Variants in PPP1R12C observed in about 807,000 individuals in gnomAD.
PPP1R12C encodes protein phosphatase 1 regulatory subunit 12C, also known as leukocyte receptor cluster (LRC) encoded novel gene 3.
In PPP1R12C, 48 loss-of-function variants were observed where a neutral mutation model predicts 95.6. That is an observed-to-expected ratio of 0.50 (90% CI 0.40 to 0.64). The LOEUF (loss-of-function observed/expected upper bound fraction) is 0.64. Among genes scored for constraint, PPP1R12C ranks in the 30% least tolerant of loss-of-function variants. PPP1R12C has a pLI of 0.00. For missense variants in PPP1R12C, 1,057 were observed against 1,083.3 expected, an observed-to-expected ratio of 0.98 and a Z score of 0.34; for synonymous variants, 480 against 460.8, an observed-to-expected ratio of 1.04 and a Z score of -0.53.
intron 1 of PPP1R12C, chr19:55,113,656 C>A: frequency 8.3e-7 from 1 of 1,206,114 alleles, no homozygotes. Flanking sequence ...AAATTACCCC[C>A]CAAGTCCCTC....
chr19:55,098,761 A>C, intron 6 of PPP1R12C, 23 bp downstream of exon 6: 1 of 1,612,960 alleles, frequency 6.2e-7, no homozygotes, highest in East Asian at 2.2e-5. Context: ...GTCTGGGGTA[A>C]GCCCCTCAGC....
rs143554085 is a variant in PPP1R12C at position 55,107,184 on chromosome 19, C to T, written c.572-3616G>A. Among the ~76,000 whole-genome samples, 8 of 152,096 alleles carry T rather than the reference C, an allele frequency of 5.3e-5. No individual in the cohort carries two copies. In the East Asian group the frequency reaches 1.4e-3, roughly 26 times the overall value. On this transcript the variant is annotated intron_variant, in intron 3 of 21. Coordinates refer to ENST00000263433, the MANE Select transcript of PPP1R12C (RefSeq NM_017607.4). Reference sequence around the variant, plus strand: ...ATCCCAGCACTTTGGGGGGCCGAGACGGGTGGATCAGCTGAGGTCAGGAGT... The same window carrying T: ...ATCCCAGCACTTTGGGGGGCCGAGATGGGTGGATCAGCTGAGGTCAGGAGT...
At chr19:55,101,369 C>T (rs763310341) in intron 4 of PPP1R12C, among the ~76,000 whole-genome samples, 4 of 152,224 alleles carry the variant, frequency 2.6e-5, no homozygotes, top group African/African-American at 9.7e-5. Context: ...TTCACTTCCA[C>T]GAATATGGAT....
At chr19:55,102,239 T>A (rs1164676920) in intron 4 of PPP1R12C, among the ~76,000 whole-genome samples, 1 of 152,186 alleles carries the variant, frequency 6.6e-6, no homozygotes, top group African/African-American at 2.4e-5. Flanking sequence ...CTTGGTTGGG[T>A]GCAGTGGCTC....
chr19:55,103,335 T>G, intron 4 of PPP1R12C, 74 bp downstream of exon 4: 2 of 1,324,950 alleles, frequency 1.5e-6, no homozygotes, highest in Non-Finnish European at 2.0e-6. Context: ...TACATACATT[T>G]AAAAAGAAAG....
At position 55,093,236 on chromosome 19, in the gene PPP1R12C, G is replaced by T; in HGVS notation, c.1684-3C>A. On this transcript the variant is annotated splice_polypyrimidine_tract_variant and splice_region_variant and intron_variant, in intron 13 of 21. Transcript: ENST00000263433. ...TTCAGGTCTGTAAGAGTCACACCCT[G>T]GCAGGGAAAGGGGACAGTCAGGGGA... The T allele has an allele frequency of 6.2e-7, 1 of 1,612,236 alleles. No homozygotes were observed. Among genetic ancestry groups the T allele is most frequent in the Non-Finnish European group, 8.5e-7 (1 of 1,179,624 alleles).
At chr19:55,113,868 G>A in intron 1 of PPP1R12C, 1 of 176,636 alleles carries the variant, frequency 5.7e-6, no homozygotes, top group Non-Finnish European at 1.2e-5. Context: ...TCAAGGACCT[G>A]CCCAGTACAG....
chr19:55,110,466 T>C (rs2085083573), intron 3 of PPP1R12C, among the ~76,000 whole-genome samples: 1 of 151,776 alleles, frequency 6.6e-6, no homozygotes, highest in Admixed American at 6.6e-5. Context: ...GGTGAGAGTG[T>C]AGCATCAAGG....
chr19:55,099,973 A>C (rs1418129042), intron 4 of PPP1R12C, among the ~76,000 whole-genome samples: 1 of 152,312 alleles, frequency 6.6e-6, no homozygotes, highest in Non-Finnish European at 1.5e-5. Flanking sequence ...TATAAGCACA[A>C]GTCCCTCTCT....
intron 1 of PPP1R12C, chr19:55,113,086 C>G (rs1275343886): frequency 5.4e-6 from 3 of 555,576 alleles, no homozygotes; most frequent in Non-Finnish European, 9.6e-6. Flanking sequence ...GCGGGAACCC[C>G]ACATGGTACC....
chr19:55,103,185 C>T (rs959376694), intron 4 of PPP1R12C, among the ~76,000 whole-genome samples: 1 of 152,106 alleles, frequency 6.6e-6, no homozygotes. Context: ...CATAGCAAGA[C>T]CCTGTCTCAA....
chr19:55,113,555 C>G lies in PPP1R12C; in HGVS notation c.322-760G>C, dbSNP rs2085121263. On this transcript the variant is annotated intron_variant, in intron 1 of 21. Coordinates refer to ENST00000263433, the MANE Select transcript of PPP1R12C (RefSeq NM_017607.4). Reference sequence around the variant, plus strand: ...GAAGTCCAGGGGGTCGGAGGAGGGACTTGCCCCAGGCCTTGTGGACACTGG... The same window carrying G: ...GAAGTCCAGGGGGTCGGAGGAGGGAGTTGCCCCAGGCCTTGTGGACACTGG... 5 of 1,352,506 alleles carry G rather than the reference C, an allele frequency of 3.7e-6. No homozygotes were observed. The Admixed American group carries it at 1.7e-4, about 45-fold the overall frequency. 83.8% of individuals were successfully genotyped at this position (1,352,506 alleles called of 1,614,324 possible). A position where few individuals can be genotyped will look rare whatever the true frequency, so the allele number is the denominator to read the frequency against.
rs569277962 is a variant in PPP1R12C, at chr19:55,099,013, C to T, written c.814G>A (p.Val272Met). Reference protein sequence around the residue: ...TPLHAAAHWGVEDACRLLAEH... With the variant: ...TPLHAAAHWGMEDACRLLAEH... The stretch of plus-strand genomic sequence containing the variant: ...GCCAGCAGGCGGCAGGCATCCTCCA[C>T]GCCCCAGTGTGCCGCTGCGTGCAGG... Residue 272 changes from valine to methionine, a missense_variant, in exon 5 of 22, where the codon GTG becomes ATG. By Grantham distance (21) the Val-to-Met change is conservative. Transcript: ENST00000263433. 5.1e-5 allele frequency: 79 copies of T among 1,556,598 alleles called. No individual in the cohort carries two copies. The highest frequency in any genetic ancestry group is 3.2e-4 in the South Asian group (27 of 84,782).
At chr19:55,099,228 C>T (rs955277593) in intron 4 of PPP1R12C, 133 bp from the exon 5 acceptor site, 1 of 1,048,694 alleles carries the variant, frequency 9.5e-7, no homozygotes, top group Non-Finnish European at 1.3e-6. Context: ...GGTAAAGAGC[C>T]ACTGCCCAGC....
intron 4 of PPP1R12C, among the ~76,000 whole-genome samples, chr19:55,102,070 G>A (rs2084985464): frequency 6.6e-6 from 1 of 152,070 alleles, no homozygotes; most frequent in African/African-American, 2.4e-5. Flanking sequence ...AAAGAGAGAA[G>A]AGGGAACTGA....
In PPP1R12C at chr19:55,112,675, C is replaced by A. The variant is rs772905991; in HGVS notation, c.442G>T (p.Asp148Tyr). The A allele has an allele frequency of 6.8e-6, 11 of 1,613,902 alleles. No individual in the cohort carries two copies. The South Asian group carries it at 1.2e-4, about 18-fold the overall frequency. The change falls in exon 2 of 22, where the codon GAT becomes TAT. Residue 148 changes from aspartate (D) to tyrosine (Y), a missense_variant. Physicochemically the swap from Asp to Tyr is radical, Grantham distance 160. Around this residue, in one of 5 missense-constraint regions of PPP1R12C, gnomAD observed 282 missense variants for 380.4 expected, o/e 0.74. Coordinates refer to ENST00000263433, the MANE Select transcript of PPP1R12C (RefSeq NM_017607.4). ...CCTCCCTTGCCTCACCTGGCGATAT[C>A]TAGGTAGCCACAGGAGGCGGCCACG... ...LHVAASCGYL[D>Y]IARYLLSHGA...
intron 1 of PPP1R12C, among the ~76,000 whole-genome samples, chr19:55,116,770 G>C (rs1223588667): frequency 1.3e-5 from 2 of 152,142 alleles, no homozygotes; most frequent in African/African-American, 4.8e-5. Context: ...ACTGAGCTAT[G>C]GGAGCTGGCT....
intron 6 of PPP1R12C, among the ~76,000 whole-genome samples, chr19:55,097,264 C>T (rs1331440453): frequency 9.1e-6 from 1 of 109,854 alleles, no homozygotes; most frequent in Admixed American, 9.3e-5. Flanking sequence ...CCCTACCCCG[C>T]GCAGTTCGCA....
At chr19:55,094,965 C>T (rs2084893126) in intron 11 of PPP1R12C, 167 bp from the exon 12 acceptor site, 3 of 822,686 alleles carry the variant, frequency 3.6e-6, no homozygotes, top group Non-Finnish European at 5.8e-6. Flanking sequence ...GCACACTACG[C>T]AACCGGTCAG....
Sources: gnomAD v4.1 joint callset for allele counts (sites outside exome capture counted in the v4.1 genomes callset) on GRCh38, gnomAD v4.1.1 for gene constraint, gnomAD v4.1.1 regional missense constraint, MANE v1.5 for transcripts, NCBI Gene and HGNC (gene_info 2026-07-23, HGNC 2026-07-21) for gene names.